DLGAP1: variants seen among roughly 807,000 people sequenced by gnomAD.
The protein encoded by DLGAP1 is disks large-associated protein 1.
In DLGAP1, 11 loss-of-function variants were observed where a neutral mutation model predicts 90.8. The ratio of observed to expected loss-of-function variants is 0.12; its 90% CI spans 0.08 to 0.20. DLGAP1 has a LOEUF of 0.20. DLGAP1 is among the 10% of genes least tolerant of loss of function. The pLI is 1.00. For missense variants in DLGAP1, 1,050 were observed against 1,333.8 expected (o/e 0.79, Z 3.31); for synonymous variants, 558 against 540.7 (o/e 1.03, Z -0.44).
At chr18:4,418,136 C>T (rs1374290015) in intron 1 of DLGAP1, among the ~76,000 whole-genome samples, 1 of 152,116 alleles carries the variant, frequency 6.6e-6, no homozygotes, top group Non-Finnish European at 1.5e-5. Flanking sequence ...AATTATAACA[C>T]ACTTCACACC....
intron 7 of DLGAP1, among the ~76,000 whole-genome samples, chr18:3,687,531 A>G (rs933269525): frequency 6.6e-6 from 1 of 152,248 alleles, no homozygotes; most frequent in African/African-American, 2.4e-5. Context: ...TTGGCTTACA[A>G]ATTTAAAATC....
intron 3 of DLGAP1, among the ~76,000 whole-genome samples, chr18:3,969,770 T>G (rs185156029): frequency 1.3e-5 from 2 of 152,272 alleles, no homozygotes; most frequent in African/African-American, 4.8e-5. Context: ...TGCCAACTAT[T>G]CTATGTCTGT....
Position 3,880,092 on chromosome 18 carries a change from G to T in DLGAP1, c.-24C>A. 1 of 1,593,610 alleles carries T rather than the reference G, an allele frequency of 6.3e-7. No individual in the cohort carries two copies. On this transcript the variant is annotated 5_prime_UTR_variant, in exon 4 of 13. Transcript: ENST00000315677. ...ATGGCGGACCGGAAGCAGCCGCCAG[G>T]GTCATGGACACCCGGAAGTCAGGCT...
rs1389019371 is a variant in DLGAP1, at chr18:4,127,357, G to A, written c.-159+23823C>T. 4.6e-5 allele frequency among the ~76,000 whole-genome samples: 7 copies of A among 152,124 alleles called. No individual in the cohort carries two copies. In the East Asian group the frequency reaches 1.4e-3, roughly 29 times the overall value. On this transcript the variant is annotated intron_variant, in intron 2 of 12. Transcript: ENST00000315677. ...TAGTCTCTTTTTTCCACCCTATCAG[G>A]GTATTGACTACTTGCATTTTTTGGT...
At chr18:3,661,551 G>T (rs1009611844) in intron 7 of DLGAP1, among the ~76,000 whole-genome samples, 5 of 149,430 alleles carry the variant, frequency 3.3e-5, no homozygotes, top group Admixed American at 2.7e-4. Flanking sequence ...AGTTTAGGCA[G>T]AGGGAAGAAG....
intron 9 of DLGAP1, among the ~76,000 whole-genome samples, chr18:3,538,804 T>C (rs999323994): frequency 6.6e-6 from 1 of 152,232 alleles, no homozygotes; most frequent in Non-Finnish European, 1.5e-5. Context: ...CTGTTCCACA[T>C]ATAAAACAGA....
intron 7 of DLGAP1, chr18:3,656,230 G>C (rs904629408): frequency 2.6e-6 from 2 of 757,026 alleles, no homozygotes; most frequent in Non-Finnish European, 4.1e-6. Flanking sequence ...GGCATTGCAA[G>C]AACGTAACTA....
At chr18:3,954,736 T>C (rs886292785) in intron 3 of DLGAP1, among the ~76,000 whole-genome samples, 2 of 152,176 alleles carry the variant, frequency 1.3e-5, no homozygotes, top group African/African-American at 4.8e-5. Context: ...TAAGACAGTG[T>C]TACGAGGGGC....
intron 1 of DLGAP1, among the ~76,000 whole-genome samples, chr18:4,334,763 C>A (rs1237954852): frequency 6.6e-6 from 1 of 151,812 alleles, no homozygotes; most frequent in East Asian, 1.9e-4. Context: ...TCAAACCTGC[C>A]TCCACCTGCA....
At chr18:3,515,831 A>G (rs1042465447) in intron 10 of DLGAP1, among the ~76,000 whole-genome samples, 4 of 151,762 alleles carry the variant, frequency 2.6e-5, no homozygotes, top group Admixed American at 2.0e-4. Context: ...GCTTACCACT[A>G]TATTATCAAC....
At chr18:4,269,964 C>G (rs905880809) in intron 1 of DLGAP1, among the ~76,000 whole-genome samples, 5 of 152,200 alleles carry the variant, frequency 3.3e-5, no homozygotes, top group African/African-American at 4.8e-5. Context: ...CAGCTTGTTT[C>G]ACTTTAGCAT....
chr18:3,839,632 G>C (rs1364974028), intron 4 of DLGAP1, among the ~76,000 whole-genome samples: 22 of 152,170 alleles, frequency 1.4e-4, no homozygotes, highest in Non-Finnish European at 7.3e-5. Flanking sequence ...TCAGGGTACT[G>C]CTAGAAACAG....
At chr18:3,880,985 A>C (rs1299349607) in intron 3 of DLGAP1, among the ~76,000 whole-genome samples, 2 of 151,392 alleles carry the variant, frequency 1.3e-5, no homozygotes, top group Non-Finnish European at 2.9e-5. Flanking sequence ...AAAACTAGGA[A>C]AAGAAAACTA....
In DLGAP1 at chr18:4,142,710, G is replaced by T. The variant is rs143947054; in HGVS notation, c.-159+8470C>A. 2.5e-4 allele frequency among the ~76,000 whole-genome samples: 38 copies of T among 152,276 alleles called. No homozygotes were observed. In the East Asian group the frequency reaches 6.9e-3, roughly 28 times the overall value. ...AGAAAAATAGCCAACAGGATTAAAA[G>T]GCTTGTTTGTACCTGTCCTTTGGAA... On this transcript the variant is annotated intron_variant, in intron 2 of 12. Transcript: ENST00000315677.
At chr18:4,006,643 C>T (rs2074306917) in intron 2 of DLGAP1, among the ~76,000 whole-genome samples, 1 of 135,346 alleles carries the variant, frequency 7.4e-6, no homozygotes, top group Non-Finnish European at 1.5e-5. Flanking sequence ...CCACCCAACC[C>T]CTGGCTTTTT....
intron 8 of DLGAP1, among the ~76,000 whole-genome samples, chr18:3,579,264 G>A (rs1292814515): frequency 6.6e-6 from 1 of 152,228 alleles, no homozygotes; most frequent in Admixed American, 6.5e-5. Flanking sequence ...CGACTTGTGT[G>A]CAATGGCATG....
intron 1 of DLGAP1, among the ~76,000 whole-genome samples, chr18:4,368,640 C>T (rs886402308): frequency 6.2e-4 from 3 of 4,876 alleles, no homozygotes; most frequent in Non-Finnish European, 1.6e-3. Flanking sequence ...CTCTCATACA[C>T]ACACACACAC....
chr18:4,105,461 T>G (rs147306454), intron 2 of DLGAP1, among the ~76,000 whole-genome samples: 76 of 152,266 alleles, frequency 5.0e-4, no homozygotes, highest in African/African-American at 1.8e-3. Flanking sequence ...AACTGTAAAT[T>G]TAGTCTAAAT....
intron 7 of DLGAP1, among the ~76,000 whole-genome samples, chr18:3,697,102 C>T (rs2061120600): frequency 6.6e-6 from 1 of 152,112 alleles, no homozygotes; most frequent in African/African-American, 2.4e-5. Flanking sequence ...CTTTATTAGT[C>T]TGGCTAGTGG....
Sources: allele counts gnomAD v4.1 joint callset (sites outside exome capture counted in the v4.1 genomes callset), GRCh38; gene constraint gnomAD v4.1.1; transcripts MANE v1.5; gene names NCBI Gene and HGNC (gene_info 2026-07-23, HGNC 2026-07-21).